The following TRIM14 variants were observed in gnomAD, a reference collection of about 807,000 sequenced individuals.
The protein encoded by TRIM14 is tripartite motif-containing protein 14.
Under a neutral mutation model 44.5 loss-of-function variants are expected in TRIM14, and 28 were observed. The ratio of observed to expected loss-of-function variants is 0.63; its 90% CI spans 0.47 to 0.86. The LOEUF is 0.86. Ranked by LOEUF, TRIM14 falls within the 40% of genes least tolerant of loss-of-function variation. The pLI is 0.00. For missense variants in TRIM14, 607 were observed against 611.1 expected (o/e 0.99, Z 0.07); for synonymous variants, 299 against 269.2 (o/e 1.11, Z -1.08).
At position 98,087,925 on chromosome 9, in the gene TRIM14, C is replaced by A. The variant is rs765982913; in HGVS notation, c.874G>T (p.Gly292Cys). Residue 292 changes from glycine (G) to cysteine (C), a missense_variant, in exon 6 of 6, where the codon GGC (glycine) becomes TGC (cysteine). Transcript: ENST00000341469. ...LSADRLTVRC[G>C]LLGSLGPVPV... ...ACGGGCCCCAGGCTGCCCAGCAGGC[C>A]GCAGCGCACCGTCAGGCGATCGGCG... 1.9e-6 allele frequency: 3 copies of A among 1,565,560 alleles called. No individual in the cohort carries two copies. Among genetic ancestry groups the A allele is most frequent in the Non-Finnish European group, 2.6e-6 (3 of 1,166,114 alleles).
chr9:98,096,234 G>C (rs996503658), intron 3 of TRIM14, among the ~76,000 whole-genome samples: 3 of 152,162 alleles, frequency 2.0e-5, no homozygotes, highest in Non-Finnish European at 2.9e-5. Flanking sequence ...CTGTGAGATG[G>C]CCTGCAAGCC....
At chr9:98,058,954 T>TCTA in the TRIM14 span, among the ~76,000 whole-genome samples, 1 of 152,184 alleles carries the variant, frequency 6.6e-6, no homozygotes, top group South Asian at 2.1e-4. Flanking sequence ...AAGTCCTGAC[T>TCTA]CTACCATCTT....
chr9:98,076,956 T>G, intron 6 of TRIM14: 1 of 1,612,534 alleles, frequency 6.2e-7, no homozygotes, highest in African/African-American at 1.3e-5. Flanking sequence ...ATGTTCCATT[T>G]TTCAAAGTTG....
chr9:98,118,958 G>A lies in TRIM14; in HGVS notation c.207+24C>T, dbSNP rs898335644. 5 of 1,493,512 alleles carry A rather than the reference G, an allele frequency of 3.3e-6. No homozygotes were observed. The African/African-American group carries it at 5.9e-5, about 18-fold the overall frequency. 92.5% of individuals were successfully genotyped at this position (1,493,512 alleles called of 1,614,324 possible). ...CTGGCTCCCCCAACTCCCGCGCGGC[G>A]AACCCCGTCCCCATCGTCCCCACCT... On this transcript the variant is annotated intron_variant, in intron 1 of 5. Coordinates refer to ENST00000341469, the MANE Select transcript of TRIM14 (RefSeq NM_014788.4).
rs1006794309 is a variant in TRIM14 at position 98,118,954 on chromosome 9, C to A, written c.207+28G>T. 3.4e-6 allele frequency: 5 copies of A among 1,485,566 alleles called. No homozygotes were observed. The African/African-American group carries it at 5.9e-5, about 17-fold the overall frequency. 92.0% of individuals were successfully genotyped at this position (1,485,566 alleles called of 1,614,324 possible). A position where few individuals can be genotyped will look rare whatever the true frequency, so the allele number is the denominator to read the frequency against. On this transcript the variant is annotated intron_variant, in intron 1 of 5. Coordinates refer to ENST00000341469, the MANE Select transcript of TRIM14 (RefSeq NM_014788.4). The stretch of plus-strand genomic sequence containing the variant: ...TGGGCTGGCTCCCCCAACTCCCGCG[C>A]GGCGAACCCCGTCCCCATCGTCCCC...
the TRIM14 span, among the ~76,000 whole-genome samples, chr9:98,044,005 CTT>C: frequency 0.33 from 43,498 of 130,942 alleles, 6,964 homozygotes; most frequent in African/African-American, 0.54. Flanking sequence ...TATTTGTTTC[CTT>C]TTTTTTTTTT....
chr9:98,049,803 A>T, the TRIM14 span, among the ~76,000 whole-genome samples: 1 of 152,184 alleles, frequency 6.6e-6, no homozygotes, highest in Admixed American at 6.5e-5. Flanking sequence ...TGCAGCTCAG[A>T]AGGTTTCAGC....
the TRIM14 span, among the ~76,000 whole-genome samples, chr9:98,035,932 C>T: frequency 2.6e-5 from 4 of 152,116 alleles, no homozygotes; most frequent in South Asian, 2.1e-4. Context: ...CCTTGTAGGC[C>T]GGGTGTGGTG....
rs1165604624 is a variant in TRIM14, at chr9:98,087,836, G to C, written c.963C>G (p.Arg321=). The change falls in exon 6 of 6, where the codon CGC becomes CGG. Residue 321 remains arginine, a synonymous_variant. Coordinates refer to ENST00000341469, the MANE Select transcript of TRIM14 (RefSeq NM_014788.4). Reference sequence around the variant, plus strand: ...CCTGCACGTCAACCTCCCAGTAGTGGCGGCCGGTGGCGAAGCAGTCACGAG... The same window carrying C: ...CCTGCACGTCAACCTCCCAGTAGTGCCGGCCGGTGGCGAAGCAGTCACGAG... The part of the protein sequence containing the change: ...VLARDCFATG[R]HYWEVDVQEA... 1 of 1,544,136 alleles carries C rather than the reference G, an allele frequency of 6.5e-7. No individual in the cohort carries two copies. The highest frequency in any genetic ancestry group is 8.6e-7 in the Non-Finnish European group (1 of 1,157,102).
intron 2 of TRIM14, among the ~76,000 whole-genome samples, chr9:98,102,102 G>C (rs185191448): frequency 6.1e-4 from 93 of 151,782 alleles, no homozygotes; most frequent in African/African-American, 2.1e-3. Context: ...AACGTTCTGA[G>C]AAATAGGGTC....
chr9:98,081,090 C>T (rs1829836570), downstream of TRIM14: 1 of 1,614,014 alleles, frequency 6.2e-7, no homozygotes, highest in African/African-American at 1.3e-5. Flanking sequence ...AAGGTGTGTC[C>T]TGCCGGACTC....
intron 2 of TRIM14, among the ~76,000 whole-genome samples, chr9:98,105,540 C>G (rs1826577245): frequency 6.6e-6 from 1 of 152,198 alleles, no homozygotes; most frequent in Non-Finnish European, 1.5e-5. Context: ...GATCACGCCA[C>G]TGTGCTCTAG....
the TRIM14 span, among the ~76,000 whole-genome samples, chr9:98,042,911 A>G: frequency 6.6e-6 from 1 of 152,122 alleles, no homozygotes; most frequent in Non-Finnish European, 1.5e-5. Flanking sequence ...GCAATCTTGA[A>G]AAAGCATTTG....
the TRIM14 span, chr9:98,056,871 C>A: frequency 6.2e-7 from 1 of 1,612,300 alleles, no homozygotes; most frequent in Non-Finnish European, 8.5e-7. Flanking sequence ...CGTGCTTCAT[C>A]ATTGCCGAGA....
the TRIM14 span, among the ~76,000 whole-genome samples, chr9:98,051,310 G>C: frequency 1.3e-5 from 2 of 152,172 alleles, no homozygotes; most frequent in Admixed American, 1.3e-4. Flanking sequence ...TAGATGAAGA[G>C]TCTACTCGCT....
chr9:98,069,156 T>C (rs1260188592), downstream of TRIM14: 1 of 152,246 alleles, frequency 6.6e-6, no homozygotes, highest in East Asian at 1.9e-4. Context: ...ATTACAACTT[T>C]TATTCTTAGT....
the TRIM14 span, among the ~76,000 whole-genome samples, chr9:98,062,178 C>A: frequency 2.0e-5 from 3 of 151,770 alleles, no homozygotes; most frequent in African/African-American, 7.3e-5. Flanking sequence ...AGCACTCCAG[C>A]CTGGGTGATA....
At chr9:98,097,095 G>A (rs1826213773) in intron 3 of TRIM14, among the ~76,000 whole-genome samples, 1 of 152,204 alleles carries the variant, frequency 6.6e-6, no homozygotes, top group African/African-American at 2.4e-5. Context: ...TCCAGGGGCT[G>A]AGGCAGGAGA....
the TRIM14 span, among the ~76,000 whole-genome samples, chr9:98,046,534 C>T: frequency 1.3e-5 from 2 of 151,892 alleles, no homozygotes; most frequent in Non-Finnish European, 2.9e-5. Context: ...CTCCGCCTCC[C>T]GGGTTCAAAC....
Sources: allele counts gnomAD v4.1 joint callset (sites outside exome capture counted in the v4.1 genomes callset), GRCh38; gene constraint gnomAD v4.1.1; transcripts MANE v1.5; gene names NCBI Gene and HGNC (gene_info 2026-07-23, HGNC 2026-07-21).